The following FHIT variants were observed in gnomAD, a reference collection of about 807,000 sequenced individuals.
The protein encoded by FHIT is bis(5'-adenosyl)-triphosphatase.
FHIT carries 19 observed loss-of-function variants against 17.9 expected under a neutral mutation model. The ratio of observed to expected loss-of-function variants is 1.06; its 90% CI spans 0.74 to 1.56. The LOEUF (loss-of-function observed/expected upper bound fraction) is 1.56. FHIT is among the 40% of genes most tolerant of loss of function. The pLI, the probability that FHIT is intolerant of heterozygous loss-of-function variation, is 0.00. For missense variants in FHIT, 248 were observed against 189.2 expected (o/e 1.31, Z -1.82); for synonymous variants, 81 against 69.7 (o/e 1.16, Z -0.81).
At chr3:59,895,721 G>C (rs796151031) in intron 8 of FHIT, among the ~76,000 whole-genome samples, 28 of 152,262 alleles carry the variant, frequency 1.8e-4, no homozygotes, top group African/African-American at 6.5e-4. Context: ...TTTTGCTCTT[G>C]ACCTCTAACT....
chr3:60,645,360 T>C (rs1004460164), intron 4 of FHIT, among the ~76,000 whole-genome samples: 1 of 152,128 alleles, frequency 6.6e-6, no homozygotes, highest in Non-Finnish European at 1.5e-5. Context: ...GAGTCTCAAA[T>C]GCATGGGCCC....
intron 5 of FHIT, among the ~76,000 whole-genome samples, chr3:60,398,386 T>A (rs948833852): frequency 6.6e-6 from 1 of 152,148 alleles, no homozygotes; most frequent in African/African-American, 2.4e-5. Flanking sequence ...GTCCATGCTC[T>A]AAGAAAAATT....
At chr3:59,873,571 C>G (rs896561274) in intron 8 of FHIT, among the ~76,000 whole-genome samples, 5 of 152,192 alleles carry the variant, frequency 3.3e-5, no homozygotes, top group African/African-American at 1.2e-4. Context: ...ACATTTTGAG[C>G]CAGACAATTC....
chr3:60,414,045 C>T (rs969493894), intron 5 of FHIT, among the ~76,000 whole-genome samples: 18 of 152,032 alleles, frequency 1.2e-4, no homozygotes, highest in African/African-American at 4.3e-4. Context: ...AAATGAGGCA[C>T]AATGATAAAG....
chr3:59,920,483 G>A (rs1035935556), intron 8 of FHIT, among the ~76,000 whole-genome samples: 1 of 152,172 alleles, frequency 6.6e-6, no homozygotes, highest in Non-Finnish European at 1.5e-5. Context: ...TAAGACAGGA[G>A]AGAGAGGCCA....
intron 4 of FHIT, among the ~76,000 whole-genome samples, chr3:60,539,366 A>G (rs189718189): frequency 7.2e-5 from 11 of 152,346 alleles, no homozygotes; most frequent in African/African-American, 2.4e-4. Context: ...TAGTTCAACC[A>G]TTGTGGAAGA....
At chr3:60,141,466 T>C (rs1700036463) in intron 5 of FHIT, among the ~76,000 whole-genome samples, 1 of 150,102 alleles carries the variant, frequency 6.7e-6, no homozygotes, top group Non-Finnish European at 1.5e-5. Flanking sequence ...GAAAGTCCCA[T>C]CACTAAAAGT....
rs114896392 is a variant in FHIT, at chr3:61,235,459, C to T, written c.-213+15842G>A. Among the ~76,000 whole-genome samples, 1,243 of 152,184 alleles carry T rather than the reference C, an allele frequency of 8.2e-3. 20 individuals are homozygous for T. The highest frequency in any genetic ancestry group is 0.028 in the African/African-American group (1,182 of 41,520). ...AAAAAGTAAGGTCTCTTTTAACTTG[C>T]TTTCAATTTTTATGTGCAGATAGAT... On this transcript the variant is annotated intron_variant, in intron 1 of 9. Coordinates refer to ENST00000492590, the MANE Select transcript of FHIT (RefSeq NM_002012.4).
intron 5 of FHIT, among the ~76,000 whole-genome samples, chr3:60,054,919 T>C (rs1327580667): frequency 6.6e-6 from 1 of 152,140 alleles, no homozygotes; most frequent in Non-Finnish European, 1.5e-5. Flanking sequence ...CATTTTACAT[T>C]AAGAAATTAA....
intron 5 of FHIT, among the ~76,000 whole-genome samples, chr3:60,077,686 T>TCACA (rs35531886): frequency 0.052 from 5,781 of 110,166 alleles, 169 homozygotes; most frequent in Middle Eastern, 0.068. Flanking sequence ...CGATTTTACT[T>TCACA]CACACACACA....
chr3:60,757,526 G>C (rs545197267), intron 4 of FHIT, among the ~76,000 whole-genome samples: 1 of 152,204 alleles, frequency 6.6e-6, no homozygotes, highest in Non-Finnish European at 1.5e-5. Flanking sequence ...GCATGTCGAG[G>C]GTTGAAGAAA....
chr3:59,759,901 T>A (rs763714498), intron 8 of FHIT, among the ~76,000 whole-genome samples: 2 of 152,178 alleles, frequency 1.3e-5, no homozygotes, highest in African/African-American at 2.4e-5. Context: ...AACGCTGAAG[T>A]TCTTTGAATA....
At chr3:61,197,513 C>G (rs2038886373) in intron 2 of FHIT, among the ~76,000 whole-genome samples, 1 of 152,098 alleles carries the variant, frequency 6.6e-6, no homozygotes, top group Admixed American at 6.5e-5. Context: ...GCACAGAGCA[C>G]AGAAGTAGTC....
At chr3:59,755,136 G>C (rs1415178329) in intron 8 of FHIT, among the ~76,000 whole-genome samples, 1 of 114,904 alleles carries the variant, frequency 8.7e-6, no homozygotes, top group African/African-American at 3.6e-5. Context: ...CATTGCTTGT[G>C]ATCCTATCAA....
chr3:60,375,380 G>T (rs1297731768), intron 5 of FHIT, among the ~76,000 whole-genome samples: 1 of 148,322 alleles, frequency 6.7e-6, no homozygotes, highest in East Asian at 2.0e-4. Flanking sequence ...ACTACCCTGG[G>T]CAACAAGGAA....
At chr3:60,494,142 A>G (rs894331391) in intron 5 of FHIT, among the ~76,000 whole-genome samples, 1 of 152,170 alleles carries the variant, frequency 6.6e-6, no homozygotes, top group Non-Finnish European at 1.5e-5. Flanking sequence ...AACTTTCACC[A>G]TATCTGTTTC....
intron 5 of FHIT, among the ~76,000 whole-genome samples, chr3:60,218,503 A>T (rs1397992008): frequency 6.6e-6 from 1 of 152,164 alleles, no homozygotes; most frequent in Non-Finnish European, 1.5e-5. Flanking sequence ...CTTTGAAAGC[A>T]TTCTAACAAA....
chr3:60,411,360 A>G (rs973990182), intron 5 of FHIT, among the ~76,000 whole-genome samples: 1 of 152,160 alleles, frequency 6.6e-6, no homozygotes, highest in Non-Finnish European at 1.5e-5. Context: ...ATTATTTTTT[A>G]TAACCTCCTC....
At chr3:60,229,742 G>C (rs190646646) in intron 5 of FHIT, among the ~76,000 whole-genome samples, 1 of 152,286 alleles carries the variant, frequency 6.6e-6, no homozygotes, top group East Asian at 1.9e-4. Flanking sequence ...CCAGCACTTT[G>C]GTAGGCCAAG....
Sources: allele counts gnomAD v4.1 joint callset (sites outside exome capture counted in the v4.1 genomes callset), GRCh38; gene constraint gnomAD v4.1.1; transcripts MANE v1.5; gene names NCBI Gene and HGNC (gene_info 2026-07-23, HGNC 2026-07-21).